The following ZNF223 variants were observed in gnomAD, a reference collection of about 807,000 sequenced individuals.
ZNF223 encodes zinc finger protein 223, also known as Homo sapiens zinc finger protein 223.
A neutral mutation model predicts 12.3 loss-of-function variants in ZNF223; 9 were observed. The ratio of observed to expected loss-of-function variants is 0.73; its 90% CI spans 0.44 to 1.28. The LOEUF is 1.28. ZNF223 is among the 50% of genes most tolerant of loss of function. ZNF223 has a pLI of 0.00. For missense variants in ZNF223, 506 were observed against 579.0 expected (o/e 0.87, Z 1.29); for synonymous variants, 171 against 195.2 (o/e 0.88, Z 1.03).
Position 44,067,222 on chromosome 19 carries a change from A to G in ZNF223, c.1394A>G (p.Tyr465Cys). The G allele has an allele frequency of 6.2e-7, 1 of 1,607,922 alleles. No homozygotes were observed. The highest frequency in any genetic ancestry group is 8.5e-7 in the Non-Finnish European group (1 of 1,178,584). ...PSKCEDCGKR[Y>C]KRRLNLDIIL... ...AAATGTGAAGACTGTGGGAAGCGCT[A>G]CAAGAGGCGCTTGAATCTTGATATA... is the stretch of plus-strand genomic sequence containing the variant. Residue 465 changes from tyrosine to cysteine, a missense_variant, in exon 5 of 5, where the codon TAC becomes TGC. Tyr to Cys is a radical substitution (Grantham distance 194). Transcript: ENST00000434772.
chr19:44,054,377 G>T (rs1278793822), intron 1 of ZNF223, among the ~76,000 whole-genome samples: 1 of 151,712 alleles, frequency 6.6e-6, no homozygotes, highest in Non-Finnish European at 1.5e-5. Context: ...TTTAAATTAT[G>T]AAGTTTCTTA....
At chr19:44,056,488 C>T (rs1458048748) in intron 2 of ZNF223, among the ~76,000 whole-genome samples, 2 of 137,818 alleles carry the variant, frequency 1.5e-5, no homozygotes, top group Admixed American at 1.4e-4. Context: ...GCCGAGATCG[C>T]GCCACTGCAC....
In ZNF223 at chr19:44,067,679, A is replaced by G; in HGVS notation, c.*402A>G. The G allele has an allele frequency of 5.3e-6, 2 of 379,202 alleles. No individual in the cohort carries two copies. The highest frequency in any genetic ancestry group is 1.0e-5 in the Non-Finnish European group (2 of 194,854). 23.5% of individuals were successfully genotyped at this position (379,202 alleles called of 1,614,324 possible). On this transcript the variant is annotated 3_prime_UTR_variant, in exon 5 of 5. Coordinates refer to ENST00000434772, the MANE Select transcript of ZNF223 (RefSeq NM_013361.6). Reference sequence around the variant, plus strand: ...CTCAGCATACCCCAGTGGTCGTGGGACTGTCAGAGCAGAGAATGCTGCAGG... The same window carrying G: ...CTCAGCATACCCCAGTGGTCGTGGGGCTGTCAGAGCAGAGAATGCTGCAGG...
intron 4 of ZNF223, among the ~76,000 whole-genome samples, chr19:44,061,751 C>T (rs1976841797): frequency 6.6e-6 from 1 of 152,210 alleles, no homozygotes; most frequent in South Asian, 2.1e-4. Flanking sequence ...ATTATGTTCC[C>T]TACCACAGAA....
At chr19:44,061,007 T>C (rs1477006632) in intron 4 of ZNF223, 166 bp downstream of exon 4, 4 of 632,824 alleles carry the variant, frequency 6.3e-6, no homozygotes, top group East Asian at 2.8e-5. Context: ...CTCTGACATC[T>C]GTTCTCCTCA....
intron 4 of ZNF223, among the ~76,000 whole-genome samples, chr19:44,065,530 A>G (rs1292849152): frequency 6.7e-6 from 1 of 148,694 alleles, no homozygotes; most frequent in Non-Finnish European, 1.5e-5. Context: ...TTTTATTTCT[A>G]TCAATGATTT....
chr19:44,066,267 C>A lies in ZNF223; in HGVS notation c.439C>A (p.Pro147Thr), dbSNP rs139629648. 6.2e-7 allele frequency: 1 copy of A among 1,614,228 alleles called. No individual in the cohort carries two copies. ...ATCTATAATGCACACAGGACAGAAA[C>A]CTTCCAATTGTGGGAAGTGTAAACA... ...GLSIMHTGQKPSNCGKCKQSF... is the reference protein window; with the variant it reads ...GLSIMHTGQKTSNCGKCKQSF... The change falls in exon 5 of 5, where the codon CCT becomes ACT. Residue 147 changes from proline (P) to threonine (T), a missense_variant. Coordinates refer to ENST00000434772, the MANE Select transcript of ZNF223 (RefSeq NM_013361.6).
At position 44,065,640 on chromosome 19, in the gene ZNF223, C is replaced by T. The variant is rs1396353232; in HGVS notation, c.236-424C>T. Among the ~76,000 whole-genome samples, 6 of 147,692 alleles carry T rather than the reference C, an allele frequency of 4.1e-5. No individual in the cohort carries two copies. In the South Asian group the frequency reaches 6.4e-4, roughly 16 times the overall value. ...TCGCCCAGGCTGGAGTGCAGTGGCA[C>T]GATCTCGGCTTGCTGCAACCTGCGC... On this transcript the variant is annotated intron_variant, in intron 4 of 4. Transcript: ENST00000434772.
In ZNF223 at chr19:44,064,014, T is replaced by A. The variant is rs1301737842; in HGVS notation, c.236-2050T>A. Among the ~76,000 whole-genome samples the A allele has an allele frequency of 2.0e-5, 3 of 152,210 alleles. No homozygotes were observed. The East Asian group carries it at 5.8e-4, about 29-fold the overall frequency. On this transcript the variant is annotated intron_variant, in intron 4 of 4. Coordinates refer to ENST00000434772, the MANE Select transcript of ZNF223 (RefSeq NM_013361.6). ...TTACCTAATTCAGGACTTGGTAATA[T>A]CCTGACAAAGTTTTGAACATTTTGT...
rs1976924005 is a variant in ZNF223, at chr19:44,066,871, A to C, written c.1043A>C (p.Glu348Ala). The C allele has an allele frequency of 1.2e-6, 2 of 1,614,208 alleles. No individual in the cohort carries two copies. Among genetic ancestry groups the C allele is most frequent in the Non-Finnish European group, 1.7e-6 (2 of 1,180,038 alleles). The change falls in exon 5 of 5, where the codon GAA becomes GCA. Residue 348 changes from glutamate (E) to alanine (A), a missense_variant. Glu to Ala is a moderately radical substitution (Grantham distance 107). Coordinates refer to ENST00000434772, the MANE Select transcript of ZNF223 (RefSeq NM_013361.6). ...HTGEKPYNCK[E>A]CGKSFRRSSY... The stretch of plus-strand genomic sequence containing the variant: ...GGAGAGAAACCATATAATTGTAAAG[A>C]ATGTGGGAAGAGCTTCAGACGGTCC...
At chr19:44,053,952 G>A (rs1976732960) in intron 1 of ZNF223, among the ~76,000 whole-genome samples, 1 of 152,158 alleles carries the variant, frequency 6.6e-6, no homozygotes, top group Admixed American at 6.5e-5. Flanking sequence ...ATGTTTCTGC[G>A]AGCACAGGGT....
intron 2 of ZNF223, among the ~76,000 whole-genome samples, chr19:44,056,272 T>C (rs1303314150): frequency 6.6e-6 from 1 of 150,834 alleles, no homozygotes; most frequent in East Asian, 2.0e-4. Context: ...TCCCAGCACT[T>C]TTTCGGAGGC....
rs566667264 is a variant in ZNF223 at position 44,067,040 on chromosome 19, CTG to C, written c.1215_1216del (p.Cys405TrpfsTer5). 1,167 of 1,614,000 alleles carry C rather than the reference CTG, an allele frequency of 7.2e-4. 19 individuals are homozygous for C. The Admixed American group carries it at 0.019, about 26-fold the overall frequency. ...TGERPYNCDD[C>X]GKSFRQASSI... Reference sequence around the variant, plus strand: ...GAGAGAGACCTTATAACTGTGATGACTGTGGGAAGAGCTTTAGACAGGCCTCA... The same window carrying C: ...GAGAGAGACCTTATAACTGTGATGACTGGGAAGAGCTTTAGACAGGCCTCA... On this transcript the variant is annotated frameshift_variant, in exon 5 of 5. Coordinates refer to ENST00000434772, the MANE Select transcript of ZNF223 (RefSeq NM_013361.6). LOFTEE classifies it low-confidence loss of function (END_TRUNC).
At chr19:44,054,096 A>G (rs1976735363) in intron 1 of ZNF223, among the ~76,000 whole-genome samples, 1 of 151,732 alleles carries the variant, frequency 6.6e-6, no homozygotes, top group Non-Finnish European at 1.5e-5. Context: ...TCTTTCCCCT[A>G]CAGATATATT....
At chr19:44,060,611 G>A (rs774070298) in intron 3 of ZNF223, 30 bp downstream of exon 3, 2 of 1,613,826 alleles carry the variant, frequency 1.2e-6, no homozygotes, top group South Asian at 2.2e-5. Context: ...ATAAGGGAAT[G>A]TCAGGCCCCA....
intron 2 of ZNF223, among the ~76,000 whole-genome samples, chr19:44,057,438 G>A (rs1200033665): frequency 6.6e-6 from 1 of 152,094 alleles, no homozygotes; most frequent in Non-Finnish European, 1.5e-5. Context: ...ATTTAGTGTA[G>A]CTAAAAATAG....
At chr19:44,054,924 T>C (rs543423782) in intron 1 of ZNF223, among the ~76,000 whole-genome samples, 185 bp from the exon 2 acceptor site, 1 of 152,332 alleles carries the variant, frequency 6.6e-6, no homozygotes, top group East Asian at 1.9e-4. Context: ...ATTGTATGAA[T>C]ATGCCACAAT....
chr19:44,058,414 C>T (rs776310962), intron 2 of ZNF223, among the ~76,000 whole-genome samples: 6 of 152,166 alleles, frequency 3.9e-5, no homozygotes, highest in Non-Finnish European at 5.9e-5. Context: ...GAATACATTC[C>T]GTGGACCCCA....
chr19:44,056,636 T>C (rs1238079655), intron 2 of ZNF223, among the ~76,000 whole-genome samples: 1 of 120,882 alleles, frequency 8.3e-6, no homozygotes, highest in African/African-American at 3.2e-5. Flanking sequence ...CTCTGTTGCC[T>C]AGGCTGGAGT....
Sources: allele counts gnomAD v4.1 joint callset (sites outside exome capture counted in the v4.1 genomes callset), GRCh38; gene constraint gnomAD v4.1.1; transcripts MANE v1.5; gene names NCBI Gene and HGNC (gene_info 2026-07-23, HGNC 2026-07-21).